The following IL15 variants were observed in gnomAD, a reference collection of about 807,000 sequenced individuals.
IL15 encodes the protein interleukin-15.
Under a neutral mutation model 19.6 loss-of-function variants are expected in IL15, and 11 were observed. The ratio of observed to expected loss-of-function variants is 0.56; its 90% CI spans 0.35 to 0.93. The LOEUF (loss-of-function observed/expected upper bound fraction) is 0.93, where lower values mean the gene tolerates loss of function less well. IL15 is among the 40% of genes least tolerant of loss of function. The pLI is 0.01. For synonymous variants in IL15, 58 were observed against 59.6 expected (o/e 0.97, Z 0.12); for missense variants, 197 against 186.5 (o/e 1.06, Z -0.33).
intron 1 of IL15, among the ~76,000 whole-genome samples, chr4:141,645,448 T>C (rs1490991598): frequency 6.6e-6 from 1 of 152,170 alleles, no homozygotes; most frequent in Non-Finnish European, 1.5e-5. Context: ...GAGAATCTTT[T>C]GCTGCCTGGA....
chr4:141,697,916 G>A (rs1268160786), intron 2 of IL15, among the ~76,000 whole-genome samples: 3 of 151,986 alleles, frequency 2.0e-5, no homozygotes, highest in Non-Finnish European at 2.9e-5. Context: ...TCTTGTTCCA[G>A]TTCTCAGGGG....
intron 2 of IL15, among the ~76,000 whole-genome samples, chr4:141,697,509 A>G (rs956688169): frequency 6.6e-6 from 1 of 152,024 alleles, no homozygotes; most frequent in Non-Finnish European, 1.5e-5. Context: ...TTTTGGTTCC[A>G]TATGAATTTT....
intron 2 of IL15, among the ~76,000 whole-genome samples, chr4:141,663,824 C>T (rs774334059): frequency 6.6e-6 from 1 of 152,142 alleles, no homozygotes; most frequent in Non-Finnish European, 1.5e-5. Flanking sequence ...TTCTAGTTTC[C>T]GCAGCTCTCC....
intron 2 of IL15, among the ~76,000 whole-genome samples, chr4:141,697,284 T>C (rs1237188536): frequency 2.6e-5 from 4 of 152,204 alleles, no homozygotes; most frequent in Non-Finnish European, 5.9e-5. Flanking sequence ...CCCCAATTTA[T>C]GTTTTTGTAA....
intron 4 of IL15, 96 bp from the exon 5 acceptor site, chr4:141,721,828 G>T: frequency 9.2e-7 from 1 of 1,085,466 alleles, no homozygotes; most frequent in Admixed American, 2.3e-5. Context: ...TTTTTCACTG[G>T]TCAGAATAAA....
chr4:141,710,218 C>T (rs570053728), intron 2 of IL15, among the ~76,000 whole-genome samples: 1 of 152,182 alleles, frequency 6.6e-6, no homozygotes, highest in Non-Finnish European at 1.5e-5. Context: ...GGCAGGATAC[C>T]CTCTATTAGT....
intron 1 of IL15, among the ~76,000 whole-genome samples, chr4:141,647,200 G>A (rs753223252): frequency 6.6e-6 from 1 of 152,044 alleles, no homozygotes; most frequent in Non-Finnish European, 1.5e-5. Flanking sequence ...GAGGAGCAGA[G>A]CACAGCGAAG....
chr4:141,656,476 C>T (rs1289144953), intron 2 of IL15, among the ~76,000 whole-genome samples, 169 bp downstream of exon 2: 1 of 152,068 alleles, frequency 6.6e-6, no homozygotes, highest in Admixed American at 6.6e-5. Flanking sequence ...ATGCTTAAAG[C>T]ATATATTTGA....
At chr4:141,666,081 A>ATTATGTATTTAT (rs1553987607) in intron 2 of IL15, among the ~76,000 whole-genome samples, 4 of 143,358 alleles carry the variant, frequency 2.8e-5, no homozygotes, top group Admixed American at 2.8e-4. Flanking sequence ...CTTTTTATTT[A>ATTATGTATTTAT]TTATTTATTT....
intron 1 of IL15, among the ~76,000 whole-genome samples, chr4:141,654,793 G>A (rs1578992581): frequency 6.6e-6 from 1 of 152,122 alleles, no homozygotes; most frequent in East Asian, 1.9e-4. Flanking sequence ...AGCTGAATTA[G>A]AGCTTTTTAT....
intron 2 of IL15, among the ~76,000 whole-genome samples, chr4:141,660,418 A>C (rs539163082): frequency 2.6e-5 from 4 of 152,154 alleles, no homozygotes; most frequent in Non-Finnish European, 5.9e-5. Flanking sequence ...AACTCAATTT[A>C]GTTAAAGCTT....
At chr4:141,708,511 T>C (rs1729600561) in intron 2 of IL15, among the ~76,000 whole-genome samples, 1 of 152,146 alleles carries the variant, frequency 6.6e-6, no homozygotes. Context: ...CCAAACTGGA[T>C]TCAAAACCTA....
intron 2 of IL15, among the ~76,000 whole-genome samples, chr4:141,677,401 A>G (rs1728383145): frequency 6.6e-6 from 1 of 152,236 alleles, no homozygotes; most frequent in South Asian, 2.1e-4. Context: ...AGTACCTACT[A>G]CATATGAAAT....
chr4:141,665,358 A>T (rs1727935030), intron 2 of IL15, among the ~76,000 whole-genome samples: 1 of 152,098 alleles, frequency 6.6e-6, no homozygotes, highest in Non-Finnish European at 1.5e-5. Flanking sequence ...TTTTTAATAA[A>T]AGCATAAAAC....
At chr4:141,644,592 C>T (rs1560899123) in intron 1 of IL15, among the ~76,000 whole-genome samples, 1 of 152,070 alleles carries the variant, frequency 6.6e-6, no homozygotes, top group Non-Finnish European at 1.5e-5. Flanking sequence ...TTCAGGATCC[C>T]CCATAGCTTA....
intron 2 of IL15, among the ~76,000 whole-genome samples, chr4:141,689,872 TG>T (rs1728848726): frequency 6.6e-6 from 1 of 152,052 alleles, no homozygotes; most frequent in South Asian, 2.1e-4. Flanking sequence ...CCTCAGCCCT[TG>T]GGTGGTCGAT....
chr4:141,669,455 T>C (rs1222086465), intron 2 of IL15, among the ~76,000 whole-genome samples: 1 of 152,184 alleles, frequency 6.6e-6, no homozygotes, highest in African/African-American at 2.4e-5. Context: ...GACTAAGTTG[T>C]TGCAAATAGC....
chr4:141,678,605 AT>A (rs5862541), intron 2 of IL15, among the ~76,000 whole-genome samples: 69,293 of 126,216 alleles, frequency 0.55, 17,888 homozygotes, highest in East Asian at 0.91. Flanking sequence ...GATTTCGTTG[AT>A]TTTTTTTTTT....
chr4:141,659,115 C>T (rs996765751), intron 2 of IL15, among the ~76,000 whole-genome samples: 1 of 151,938 alleles, frequency 6.6e-6, no homozygotes, highest in East Asian at 1.9e-4. Context: ...TCCCAAAGTG[C>T]TGGGATTACA....
Sources: allele counts gnomAD v4.1 joint callset (sites outside exome capture counted in the v4.1 genomes callset), GRCh38; gene constraint gnomAD v4.1.1; transcripts MANE v1.5; gene names NCBI Gene and HGNC (gene_info 2026-07-23, HGNC 2026-07-21).